The following HNF4G variants were observed in gnomAD, a reference collection of about 807,000 sequenced individuals.
HNF4G encodes the protein hepatocyte nuclear factor 4-gamma.
Under a neutral mutation model 50.9 loss-of-function variants are expected in HNF4G, and 21 were observed. The observed-to-expected ratio is 0.41, with a 90% CI of 0.29 to 0.59. HNF4G has a LOEUF of 0.59. HNF4G is among the 20% of genes least tolerant of loss of function. HNF4G has a pLI of 0.26. For synonymous variants in HNF4G, 198 were observed against 185.6 expected, an observed-to-expected ratio of 1.07 and a Z score of -0.54; for missense variants, 527 against 559.4, an observed-to-expected ratio of 0.94 and a Z score of 0.58.
chr8:75,542,336 G>A (rs529172112), intron 1 of HNF4G, among the ~76,000 whole-genome samples: 1 of 151,738 alleles, frequency 6.6e-6, no homozygotes. Flanking sequence ...AAATAAGCAG[G>A]GGTCTAGGTT....
Position 75,496,833 on chromosome 8 carries a change from A to G in HNF4G, c.-24+6625A>G, listed in dbSNP as rs141933714. On this transcript the variant is annotated intron_variant, in intron 2 of 10. Transcript: ENST00000354370. Reference sequence around the variant, plus strand: ...ATATATATATATATGGCATTAAAATATGTAAAGATAGGTTGTGCTATGTCT... The same window carrying G: ...ATATATATATATATGGCATTAAAATGTGTAAAGATAGGTTGTGCTATGTCT... Among the ~76,000 whole-genome samples, 45 of 152,106 alleles carry G rather than the reference A, an allele frequency of 3.0e-4. No individual in the cohort carries two copies. In the East Asian group the frequency reaches 8.7e-3, roughly 29 times the overall value.
chr8:75,553,021 T>C, intron 4 of HNF4G, 21 bp from the exon 5 acceptor site: 1 of 1,574,174 alleles, frequency 6.4e-7, no homozygotes, highest in South Asian at 1.1e-5. Flanking sequence ...AATGATAATA[T>C]AATGCTTTTC....
chr8:75,499,152 T>C (rs1812858497), intron 2 of HNF4G, among the ~76,000 whole-genome samples: 1 of 152,060 alleles, frequency 6.6e-6, no homozygotes, highest in East Asian at 1.9e-4. Flanking sequence ...TCAGTAGCTA[T>C]TCAAACTACT....
intron 1 of HNF4G, among the ~76,000 whole-genome samples, chr8:75,459,959 G>T (rs1432541766): frequency 6.6e-6 from 1 of 152,006 alleles, no homozygotes. Flanking sequence ...ATATTTTTTA[G>T]AGTGATCATA....
intron 2 of HNF4G, among the ~76,000 whole-genome samples, chr8:75,507,659 A>G (rs1805632012): frequency 6.6e-6 from 1 of 152,232 alleles, no homozygotes; most frequent in Non-Finnish European, 1.5e-5. Flanking sequence ...ATTAAAAGGT[A>G]GTGATGTGCT....
intron 8 of HNF4G, among the ~76,000 whole-genome samples, chr8:75,560,024 C>T (rs73692609): frequency 0.051 from 7,764 of 152,106 alleles, 237 homozygotes; most frequent in Middle Eastern, 0.071. Context: ...ACAGTGATCC[C>T]AAATACTATA....
At chr8:75,539,224 T>G (rs2130781072), upstream of HNF4G, among the ~76,000 whole-genome samples, 1 of 152,316 alleles carries the variant, frequency 6.6e-6, no homozygotes, top group South Asian at 2.1e-4. Flanking sequence ...ATGTAACAAT[T>G]ATTGAAATGC....
intron 1 of HNF4G, among the ~76,000 whole-genome samples, chr8:75,423,291 A>G (rs1810813639): frequency 6.8e-6 from 1 of 146,928 alleles, no homozygotes; most frequent in Admixed American, 6.8e-5. Flanking sequence ...ATTTTACATT[A>G]GTTAGCTCTC....
chr8:75,550,099 G>C (rs1052764107), intron 3 of HNF4G, among the ~76,000 whole-genome samples: 4 of 152,088 alleles, frequency 2.6e-5, no homozygotes, highest in Non-Finnish European at 5.9e-5. Context: ...TAGGTCTCTA[G>C]AAATTGGTGG....
Position 75,561,226 on chromosome 8 carries a change from G to A in HNF4G, c.1246+760G>A, listed in dbSNP as rs140650702. Among the ~76,000 whole-genome samples the A allele has an allele frequency of 3.9e-3, 590 of 152,118 alleles. 3 individuals carry two copies. The highest frequency in any genetic ancestry group is 0.013 in the African/African-American group (536 of 41,498). On this transcript the variant is annotated intron_variant, in intron 9 of 9. Transcript: ENST00000396423. ...ATTTTGGGACACCTTCTCCCCTTTC[G>A]ACACATCCAGCTTTCTCATTTATGT...
chr8:75,494,494 C>T (rs1812717384), intron 2 of HNF4G, among the ~76,000 whole-genome samples: 1 of 152,014 alleles, frequency 6.6e-6, no homozygotes, highest in Non-Finnish European at 1.5e-5. Flanking sequence ...AATTTGTGAC[C>T]ATTGAGAATT....
intron 2 of HNF4G, among the ~76,000 whole-genome samples, chr8:75,495,791 G>GCACTTT (rs927477792): frequency 6.6e-6 from 1 of 151,850 alleles, no homozygotes; most frequent in Non-Finnish European, 1.5e-5. Flanking sequence ...GCCCGCCTTG[G>GCACTTT]CACTTTTAAT....
At chr8:75,551,923 C>G (rs1806972550) in intron 4 of HNF4G, among the ~76,000 whole-genome samples, 1 of 151,992 alleles carries the variant, frequency 6.6e-6, no homozygotes, top group Non-Finnish European at 1.5e-5. Context: ...GCTTTGGAAG[C>G]AGACATTTAA....
At chr8:75,488,562 G>A (rs1585888396) in intron 1 of HNF4G, among the ~76,000 whole-genome samples, 3 of 152,238 alleles carry the variant, frequency 2.0e-5, no homozygotes, top group Admixed American at 1.3e-4. Context: ...ACAGGCATGA[G>A]CCACTATGCC....
At chr8:75,549,823 T>C (rs762580577) in intron 3 of HNF4G, among the ~76,000 whole-genome samples, 3 of 152,004 alleles carry the variant, frequency 2.0e-5, no homozygotes, top group Non-Finnish European at 4.4e-5. Flanking sequence ...TGTGTTCTCA[T>C]TGTTCAATTC....
At chr8:75,445,114 G>T (rs955071220) in intron 1 of HNF4G, among the ~76,000 whole-genome samples, 5 of 143,794 alleles carry the variant, frequency 3.5e-5, no homozygotes, top group Non-Finnish European at 7.6e-5. Context: ...TAGAACTCAG[G>T]ATTAAGAATC....
At chr8:75,498,616 C>A (rs192202143) in intron 2 of HNF4G, among the ~76,000 whole-genome samples, 2 of 151,964 alleles carry the variant, frequency 1.3e-5, no homozygotes, top group Admixed American at 1.3e-4. Context: ...ATTGACAGAC[C>A]AGCAATCTTA....
At chr8:75,511,204 T>A (rs935687747) in intron 2 of HNF4G, among the ~76,000 whole-genome samples, 2 of 152,164 alleles carry the variant, frequency 1.3e-5, no homozygotes, top group African/African-American at 4.8e-5. Context: ...TCTCTATAGG[T>A]ATAATTAGTT....
At chr8:75,497,710 A>T (rs1483809264) in intron 2 of HNF4G, among the ~76,000 whole-genome samples, 1 of 152,078 alleles carries the variant, frequency 6.6e-6, no homozygotes, top group Non-Finnish European at 1.5e-5. Flanking sequence ...AAAAATAGAT[A>T]AAATGGTTTC....
Sources: allele counts gnomAD v4.1 joint callset (sites outside exome capture counted in the v4.1 genomes callset), GRCh38; gene constraint gnomAD v4.1.1; transcripts MANE v1.5; gene names NCBI Gene and HGNC (gene_info 2026-07-23, HGNC 2026-07-21).